Variants in PTPRT observed in about 807,000 individuals in gnomAD.
PTPRT encodes the protein protein tyrosine phosphatase receptor type T.
In PTPRT, 56 loss-of-function variants were observed where a neutral mutation model predicts 176.8. That is an observed-to-expected ratio of 0.32 (90% CI 0.26 to 0.40). PTPRT has a LOEUF of 0.40. Ranked by LOEUF, PTPRT falls within the 10% of genes least tolerant of loss-of-function variation. The pLI is 1.00. For synonymous variants in PTPRT, 783 were observed against 739.0 expected (o/e 1.06, Z -0.96); for missense variants, 1,540 against 1,908.2 (o/e 0.81, Z 3.60).
At chr20:42,705,433 G>A (rs975574524) in intron 6 of PTPRT, among the ~76,000 whole-genome samples, 2 of 151,494 alleles carry the variant, frequency 1.3e-5, no homozygotes, top group African/African-American at 4.9e-5. Flanking sequence ...GGTGGGGGGA[G>A]GTGCGGGGGT....
At chr20:43,150,610 C>T (rs1168185719) in intron 1 of PTPRT, among the ~76,000 whole-genome samples, 1 of 152,124 alleles carries the variant, frequency 6.6e-6, no homozygotes, top group African/African-American at 2.4e-5. Context: ...GCACGTGTCA[C>T]CATGCCCAGC....
At chr20:43,187,757 T>C (rs1293982688) in intron 1 of PTPRT, among the ~76,000 whole-genome samples, 3 of 152,242 alleles carry the variant, frequency 2.0e-5, no homozygotes, top group Non-Finnish European at 4.4e-5. Flanking sequence ...TTCTTTCTCC[T>C]GCATTCTAAA....
At chr20:42,242,962 A>T (rs1474524242) in intron 14 of PTPRT, among the ~76,000 whole-genome samples, 1 of 148,384 alleles carries the variant, frequency 6.7e-6, no homozygotes, top group Non-Finnish European at 1.5e-5. Flanking sequence ...AAGGTCAGTG[A>T]GGAAACTCAT....
At chr20:42,514,592 T>G (rs1331386795) in intron 7 of PTPRT, among the ~76,000 whole-genome samples, 1 of 152,170 alleles carries the variant, frequency 6.6e-6, no homozygotes, top group Non-Finnish European at 1.5e-5. Context: ...AGAAGAGAAA[T>G]TCAACGTTTT....
At chr20:43,178,348 A>G (rs1434046374) in intron 1 of PTPRT, among the ~76,000 whole-genome samples, 1 of 152,174 alleles carries the variant, frequency 6.6e-6, no homozygotes, top group African/African-American at 2.4e-5. Context: ...ATAACTAATC[A>G]TTCCTGACAC....
chr20:42,046,210 C>T, the PTPRT span, among the ~76,000 whole-genome samples: 30 of 152,266 alleles, frequency 2.0e-4, 1 homozygote, highest in South Asian at 1.2e-3. Flanking sequence ...CTCTGTACCC[C>T]GAGCCTGCAA....
At chr20:42,784,386 C>G (rs934972392) in intron 3 of PTPRT, among the ~76,000 whole-genome samples, 1 of 152,160 alleles carries the variant, frequency 6.6e-6, no homozygotes. Flanking sequence ...CACATCAGAA[C>G]TCCTCTTAGA....
chr20:42,141,020 G>A (rs970478150), intron 18 of PTPRT, among the ~76,000 whole-genome samples: 23 of 152,150 alleles, frequency 1.5e-4, no homozygotes, highest in African/African-American at 4.8e-4. Flanking sequence ...TTTGACTCCC[G>A]AGGGCGCTAA....
intron 1 of PTPRT, among the ~76,000 whole-genome samples, chr20:43,083,349 T>TATATATATATATAC (rs1568774177): frequency 3.4e-5 from 4 of 117,402 alleles, no homozygotes; most frequent in South Asian, 2.7e-4. Flanking sequence ...TATATATATA[T>TATATATATATATAC]ATATATATAT....
intron 2 of PTPRT, among the ~76,000 whole-genome samples, chr20:42,834,173 T>A (rs2078141151): frequency 6.6e-6 from 1 of 152,166 alleles, no homozygotes; most frequent in Non-Finnish European, 1.5e-5. Context: ...AACAGCTCAA[T>A]TTTTTAAACG....
chr20:42,930,685 G>T (rs1600567987), intron 1 of PTPRT, among the ~76,000 whole-genome samples: 1 of 151,782 alleles, frequency 6.6e-6, no homozygotes, highest in Non-Finnish European at 1.5e-5. Context: ...TTACTATGTT[G>T]CCCAGGCTGG....
At chr20:42,443,159 T>C (rs2059333547) in intron 9 of PTPRT, among the ~76,000 whole-genome samples, 1 of 152,258 alleles carries the variant, frequency 6.6e-6, no homozygotes, top group South Asian at 2.1e-4. Flanking sequence ...ACTGCAATGT[T>C]TTCATCAGGC....
At chr20:43,174,749 C>T (rs2015086138) in intron 1 of PTPRT, among the ~76,000 whole-genome samples, 1 of 152,166 alleles carries the variant, frequency 6.6e-6, no homozygotes, top group Non-Finnish European at 1.5e-5. Flanking sequence ...ATGAACAATC[C>T]TGGAAACAGG....
intron 9 of PTPRT, among the ~76,000 whole-genome samples, chr20:42,429,623 G>A (rs1266414546): frequency 6.6e-6 from 1 of 152,208 alleles, no homozygotes; most frequent in Non-Finnish European, 1.5e-5. Context: ...AAGACATGAA[G>A]GAAGGAAGGG....
At chr20:43,186,441 CTT>C (rs1477903710) in intron 1 of PTPRT, among the ~76,000 whole-genome samples, 2 of 152,192 alleles carry the variant, frequency 1.3e-5, no homozygotes, top group African/African-American at 4.8e-5. Flanking sequence ...CAGCATTGCT[CTT>C]GTTTCCACAG....
At chr20:42,586,094 A>G (rs2145740132) in intron 7 of PTPRT, among the ~76,000 whole-genome samples, 1 of 152,348 alleles carries the variant, frequency 6.6e-6, no homozygotes, top group East Asian at 1.9e-4. Context: ...AATATAAAGA[A>G]GAAACATAAA....
intron 2 of PTPRT, among the ~76,000 whole-genome samples, chr20:42,850,078 T>C (rs1336408577): frequency 1.3e-5 from 2 of 152,228 alleles, no homozygotes; most frequent in African/African-American, 4.8e-5. Flanking sequence ...GCTTGTCCAC[T>C]GCATAAACTG....
intron 2 of PTPRT, among the ~76,000 whole-genome samples, chr20:42,868,301 G>A (rs1362208106): frequency 6.6e-6 from 1 of 152,156 alleles, no homozygotes; most frequent in African/African-American, 2.4e-5. Flanking sequence ...CAATTCTGAT[G>A]AGGTCTCTGA....
At chr20:42,384,554 T>C (rs544393324) in intron 9 of PTPRT, among the ~76,000 whole-genome samples, 1 of 152,320 alleles carries the variant, frequency 6.6e-6, no homozygotes, top group South Asian at 2.1e-4. Flanking sequence ...TTGTAAATCA[T>C]GTTGCAATGA....
Sources: gnomAD v4.1 joint callset for allele counts (sites outside exome capture counted in the v4.1 genomes callset) on GRCh38, gnomAD v4.1.1 for gene constraint, MANE v1.5 for transcripts, NCBI Gene and HGNC (gene_info 2026-07-23, HGNC 2026-07-21) for gene names.